The following CNTRL variants were observed in gnomAD, a reference collection of about 807,000 sequenced individuals.
The protein encoded by CNTRL is centriolin, also known as 110 kDa centrosomal protein.
In CNTRL, 233 loss-of-function variants were observed where a neutral mutation model predicts 303.7. That is an observed-to-expected ratio of 0.77 (90% CI 0.69 to 0.86). The LOEUF (loss-of-function observed/expected upper bound fraction) is 0.86, where lower values mean the gene tolerates loss of function less well. Among genes scored for constraint, CNTRL ranks in the 40% least tolerant of loss-of-function variants. The pLI is 0.00. For missense variants in CNTRL, 2,524 were observed against 2,650.6 expected (o/e 0.95, Z 1.05); for synonymous variants, 900 against 922.2 (o/e 0.98, Z 0.44).
intron 8 of CNTRL, among the ~76,000 whole-genome samples, chr9:121,110,214 T>G (rs1351093531): frequency 6.6e-6 from 1 of 152,142 alleles, no homozygotes; most frequent in African/African-American, 2.4e-5. Context: ...CTTTTGCAAA[T>G]TATTTAATTC....
intron 19 of CNTRL, among the ~76,000 whole-genome samples, chr9:121,143,146 C>A (rs1303603499): frequency 6.6e-6 from 1 of 152,188 alleles, no homozygotes; most frequent in Non-Finnish European, 1.5e-5. Flanking sequence ...CTCACTGTTT[C>A]ACACCTTCTC....
chr9:121,100,658 G>A (rs1011588665), intron 7 of CNTRL, among the ~76,000 whole-genome samples: 2 of 152,186 alleles, frequency 1.3e-5, no homozygotes, highest in Non-Finnish European at 2.9e-5. Context: ...CTGTATTCAG[G>A]AGACCCATCT....
In CNTRL at chr9:121,164,980, C is replaced by T; in HGVS notation, c.5461C>T (p.Gln1821Ter). The T allele has an allele frequency of 6.2e-7, 1 of 1,612,398 alleles. No homozygotes were observed. The highest frequency in any genetic ancestry group is 8.5e-7 in the Non-Finnish European group (1 of 1,179,462). ...AAAEENSKME[Q>*]SNLEKLELNV... ...AGCAGAAGAAAATAGCAAAATGGAG[C>T]AATCAAACTTAGAAAAGTTGGAATT... The change falls in exon 35 of 44, where the codon CAA (glutamine) becomes TAA (stop). Residue 1821 changes from glutamine to a stop codon, truncating the protein, a stop_gained. Transcript: ENST00000373855. LOFTEE classifies it high-confidence loss of function.
intron 14 of CNTRL, among the ~76,000 whole-genome samples, chr9:121,134,579 G>T (rs2133837375): frequency 6.6e-6 from 1 of 152,316 alleles, no homozygotes; most frequent in Admixed American, 6.5e-5. Flanking sequence ...ACAGGCATGA[G>T]CCACTGTACC....
intron 18 of CNTRL, 58 bp downstream of exon 18, chr9:121,141,646 C>T (rs764861994): frequency 7.0e-7 from 1 of 1,419,506 alleles, no homozygotes; most frequent in Non-Finnish European, 9.8e-7. Flanking sequence ...TAATGTTTTT[C>T]AGCAAATTAC....
At chr9:121,141,655 A>G in intron 18 of CNTRL, 67 bp downstream of exon 18, 1 of 1,350,578 alleles carries the variant, frequency 7.4e-7, no homozygotes, top group Non-Finnish European at 1.0e-6. Context: ...TCAGCAAATT[A>G]CAATGCTTCC....
At chr9:121,098,723 T>A (rs1483916138) in intron 7 of CNTRL, 151 bp downstream of exon 7, 1 of 605,610 alleles carries the variant, frequency 1.7e-6, no homozygotes, top group Non-Finnish European at 2.8e-6. Context: ...ATTTACTGAG[T>A]GTGTACTGTG....
rs781610368 is a variant in CNTRL, at chr9:121,161,853, T to C, written c.5090-3T>C. On this transcript the variant is annotated splice_region_variant and splice_polypyrimidine_tract_variant and intron_variant, in intron 32 of 43. Coordinates refer to ENST00000373855, the MANE Select transcript of CNTRL (RefSeq NM_007018.6). ...TGGACCATGCTTTGTTTCTATCCCTTAGAACTAAAGAATATTCTGGACATG... is the reference window on the plus strand; with the variant it reads ...TGGACCATGCTTTGTTTCTATCCCTCAGAACTAAAGAATATTCTGGACATG... 6.2e-7 allele frequency: 1 copy of C among 1,606,740 alleles called. No individual in the cohort carries two copies.
chr9:121,095,550 T>C (rs1244626676), intron 5 of CNTRL, among the ~76,000 whole-genome samples: 3 of 152,166 alleles, frequency 2.0e-5, no homozygotes, highest in South Asian at 4.1e-4. Context: ...GACAAAATGA[T>C]ACAAGAATCA....
chr9:121,110,691 C>G (rs181642889), intron 8 of CNTRL, among the ~76,000 whole-genome samples: 1 of 151,056 alleles, frequency 6.6e-6, no homozygotes, highest in African/African-American at 2.5e-5. Flanking sequence ...TGGTTGTGTG[C>G]GTATGTATTA....
intron 7 of CNTRL, among the ~76,000 whole-genome samples, chr9:121,104,196 TA>T (rs1442163679): frequency 6.6e-6 from 1 of 152,196 alleles, no homozygotes; most frequent in Non-Finnish European, 1.5e-5. Context: ...TATGCAGCCA[TA>T]AAAAAGGATG....
chr9:121,092,369 G>A (rs998860588), intron 4 of CNTRL, among the ~76,000 whole-genome samples: 1 of 139,612 alleles, frequency 7.2e-6, no homozygotes, highest in African/African-American at 2.7e-5. Context: ...CTGAGGAGAG[G>A]GTGACTAATT....
intron 4 of CNTRL, among the ~76,000 whole-genome samples, chr9:121,093,170 A>T (rs1001322796): frequency 6.6e-6 from 1 of 151,940 alleles, no homozygotes; most frequent in African/African-American, 2.4e-5. Context: ...TTCTTTATTC[A>T]CTACTTTGTT....
chr9:121,096,363 A>G, intron 5 of CNTRL, 59 bp from the exon 6 acceptor site: 1 of 1,078,464 alleles, frequency 9.3e-7, no homozygotes. Flanking sequence ...TTCTAAAAAT[A>G]CAATGGAGAG....
intron 27 of CNTRL, among the ~76,000 whole-genome samples, chr9:121,156,078 G>A (rs2052552779): frequency 6.6e-6 from 1 of 151,522 alleles, no homozygotes; most frequent in African/African-American, 2.4e-5. Flanking sequence ...ATAGATGTGA[G>A]CAGAACTAGA....
intron 25 of CNTRL, 63 bp downstream of exon 25, chr9:121,150,546 A>G (rs1376201621): frequency 6.8e-7 from 1 of 1,471,374 alleles, no homozygotes; most frequent in East Asian, 2.3e-5. Context: ...ATAAGGTTAT[A>G]TACTTAATGA....
chr9:121,127,321 A>G (rs2050585864), intron 14 of CNTRL, among the ~76,000 whole-genome samples: 1 of 152,164 alleles, frequency 6.6e-6, no homozygotes, highest in South Asian at 2.1e-4. Flanking sequence ...TCTTGAACAC[A>G]TGGGGACTAT....
intron 7 of CNTRL, among the ~76,000 whole-genome samples, chr9:121,101,423 C>T (rs1270286432): frequency 3.3e-5 from 5 of 152,130 alleles, no homozygotes; most frequent in African/African-American, 1.2e-4. Context: ...AAATGTATAG[C>T]ACTAAATGCC....
At position 121,160,217 on chromosome 9, in the gene CNTRL, T is replaced by C; in HGVS notation, c.5004T>C (p.Thr1668=). The change falls in exon 32 of 44, where the codon ACT becomes ACC. Residue 1668 remains threonine, a synonymous_variant. Transcript: ENST00000373855. ...ATGTTCAGATTAGTGAAAGAAAAAC[T>C]CAACTTACACTTATAAAGCAGGAAA... is the stretch of plus-strand genomic sequence containing the variant. ...ELNVQISERK[T]QLTLIKQEIE... 6.4e-7 allele frequency: 1 copy of C among 1,569,986 alleles called. No homozygotes were observed. The highest frequency in any genetic ancestry group is 8.6e-7 in the Non-Finnish European group (1 of 1,163,346).
Sources: allele counts gnomAD v4.1 joint callset (sites outside exome capture counted in the v4.1 genomes callset), GRCh38; gene constraint gnomAD v4.1.1; transcripts MANE v1.5; gene names NCBI Gene and HGNC (gene_info 2026-07-23, HGNC 2026-07-21).